Variants in SERPINB7 observed in about 807,000 individuals in gnomAD.
SERPINB7 encodes the protein serpin B7.
In SERPINB7, 31 loss-of-function variants were observed where a neutral mutation model predicts 37.4. The observed-to-expected ratio is 0.83, with a 90% confidence interval of 0.62 to 1.12. The LOEUF is 1.12. Among genes scored for constraint, SERPINB7 ranks in the 50% most tolerant of loss-of-function variants. The pLI is 0.00. For synonymous variants in SERPINB7, 163 were observed against 166.1 expected (o/e 0.98, Z 0.14); for missense variants, 521 against 455.3 (o/e 1.14, Z -1.31).
At chr18:63,763,611 T>C (rs2144587984) in intron 1 of SERPINB7, among the ~76,000 whole-genome samples, 1 of 152,298 alleles carries the variant, frequency 6.6e-6, no homozygotes, top group African/African-American at 2.4e-5. Flanking sequence ...AAATTAAATA[T>C]CTGATGTTAA....
intron 2 of SERPINB7, among the ~76,000 whole-genome samples, chr18:63,789,793 T>C (rs147364736): frequency 1.7e-3 from 254 of 152,374 alleles, no homozygotes; most frequent in Admixed American, 3.7e-3. Context: ...ACTTATGCTT[T>C]CATCATCTTT....
chr18:63,774,073 T>C (rs560622205), upstream of SERPINB7, among the ~76,000 whole-genome samples: 2 of 152,112 alleles, frequency 1.3e-5, no homozygotes, highest in African/African-American at 2.4e-5. Context: ...GAACAGGGAA[T>C]CCATTTGTAG....
intron 1 of SERPINB7, among the ~76,000 whole-genome samples, chr18:63,767,476 G>A (rs1332602534): frequency 6.6e-6 from 1 of 152,016 alleles, no homozygotes; most frequent in Non-Finnish European, 1.5e-5. Context: ...ATTCTGTCCA[G>A]GTCTTATAGT....
At chr18:63,787,195 A>G (rs998823892) in intron 2 of SERPINB7, among the ~76,000 whole-genome samples, 1 of 152,156 alleles carries the variant, frequency 6.6e-6, no homozygotes, top group Non-Finnish European at 1.5e-5. Flanking sequence ...GATGCTCAAA[A>G]ATTTCAGAAT....
rs184679504 is a variant in SERPINB7 at position 63,783,133 on chromosome 18, G to A, written c.168+593G>A. 6.0e-5 allele frequency among the ~76,000 whole-genome samples: 9 copies of A among 150,584 alleles called. No homozygotes were observed. In the East Asian group the frequency reaches 1.4e-3, roughly 23 times the overall value. On this transcript the variant is annotated intron_variant, in intron 2 of 7. Coordinates refer to ENST00000398019, the MANE Select transcript of SERPINB7 (RefSeq NM_003784.4). ...AGCCTGGGCGACAGAGCGAGACTCC[G>A]TCTCAGAAAACAAACGATCAAACAA...
intron 3 of SERPINB7, 150 bp from the exon 4 acceptor site, chr18:63,793,011 C>G (rs2049444921): frequency 7.1e-6 from 3 of 420,762 alleles, no homozygotes; most frequent in Non-Finnish European, 1.3e-5. Context: ...AAGGGTAAGA[C>G]ATAGATGTAT....
chr18:63,783,189 AG>A (rs1448379281), intron 2 of SERPINB7, among the ~76,000 whole-genome samples: 1,785 of 59,696 alleles, frequency 0.03, 83 homozygotes, highest in African/African-American at 0.088. Context: ...AGAAAGAAAG[AG>A]AGAGAGAGAG....
chr18:63,772,911 A>G (rs1336387787), upstream of SERPINB7, among the ~76,000 whole-genome samples: 1 of 152,170 alleles, frequency 6.6e-6, no homozygotes, highest in Non-Finnish European at 1.5e-5. Flanking sequence ...TTAAATGCAT[A>G]AGGACAATAT....
chr18:63,756,880 C>T (rs1249382425), intron 1 of SERPINB7, among the ~76,000 whole-genome samples: 3 of 150,004 alleles, frequency 2.0e-5, no homozygotes, highest in Non-Finnish European at 3.0e-5. Flanking sequence ...TATAAAGACT[C>T]TAATTTCTTT....
At chr18:63,794,261 C>T (rs1055370800) in intron 4 of SERPINB7, among the ~76,000 whole-genome samples, 1 of 151,932 alleles carries the variant, frequency 6.6e-6, no homozygotes, top group South Asian at 2.1e-4. Context: ...TACATCTGGC[C>T]TGAGTTTCTT....
chr18:63,802,188 A>G (rs1317968767), intron 7 of SERPINB7, among the ~76,000 whole-genome samples: 1 of 152,222 alleles, frequency 6.6e-6, no homozygotes, highest in Non-Finnish European at 1.5e-5. Flanking sequence ...TCAAGTGAAA[A>G]GCACAGTTTA....
chr18:63,796,205 A>G (rs1599018446), intron 4 of SERPINB7, 61 bp from the exon 5 acceptor site: 2 of 972,004 alleles, frequency 2.1e-6, no homozygotes, highest in East Asian at 2.4e-5. Context: ...TCAAAAATAC[A>G]TTTCTTATAT....
At chr18:63,762,019 G>A (rs2049157089) in intron 1 of SERPINB7, among the ~76,000 whole-genome samples, 1 of 152,152 alleles carries the variant, frequency 6.6e-6, no homozygotes, top group South Asian at 2.1e-4. Context: ...ACTCAGTGAC[G>A]TCTACTTCCA....
At chr18:63,795,861 T>G (rs2689397) in intron 4 of SERPINB7, among the ~76,000 whole-genome samples, 90,197 of 151,968 alleles carry the variant, frequency 0.59, 27,719 homozygotes, top group African/African-American at 0.74. Context: ...TGTCGGCAAG[T>G]TTCAAGAGCT....
At chr18:63,799,655 C>T (rs2049526057) in intron 6 of SERPINB7, among the ~76,000 whole-genome samples, 1 of 152,158 alleles carries the variant, frequency 6.6e-6, no homozygotes, top group Non-Finnish European at 1.5e-5. Context: ...CCCAGTGAGA[C>T]ATCCTGTCTA....
chr18:63,793,164 G>A lies in SERPINB7; in HGVS notation c.223G>A (p.Gly75Arg), dbSNP rs61761885. 7.2e-6 allele frequency: 11 copies of A among 1,523,964 alleles called. No homozygotes were observed. The highest frequency in any genetic ancestry group is 9.8e-6 in the Non-Finnish European group (11 of 1,117,852). The allele number at this position is 1,523,964 out of a possible 1,614,324, so 94.4% of individuals were successfully genotyped here. A position where few individuals can be genotyped will look rare whatever the true frequency, so the allele number is the denominator to read the frequency against. Residue 75 changes from glycine to arginine, a missense_variant, in exon 4 of 8, where the codon GGG becomes AGG. Transcript: ENST00000398019. ...TTATACATCTTTTTAATAACAGTCA[G>A]GGCTCCAGTCTCAACTGAAAAGAGT... Reference protein sequence around the residue: ...GYGNSSNSQSGLQSQLKRVFS... With the variant: ...GYGNSSNSQSRLQSQLKRVFS...
intron 1 of SERPINB7, among the ~76,000 whole-genome samples, chr18:63,781,086 G>T (rs908451893): frequency 6.6e-6 from 1 of 151,898 alleles, no homozygotes; most frequent in Non-Finnish European, 1.5e-5. Context: ...AATTTTAAAA[G>T]GCCTTAAGTA....
chr18:63,765,091 T>C (rs979585384), intron 1 of SERPINB7, among the ~76,000 whole-genome samples: 1 of 152,168 alleles, frequency 6.6e-6, no homozygotes, highest in African/African-American at 2.4e-5. Context: ...CCTTTGTTTT[T>C]TCCTTCATAG....
chr18:63,772,042 G>A (rs564393221), upstream of SERPINB7, among the ~76,000 whole-genome samples: 7 of 151,974 alleles, frequency 4.6e-5, no homozygotes, highest in South Asian at 2.1e-4. Context: ...CGGCAGGGAC[G>A]TTGTATAGAG....
Sources: allele counts gnomAD v4.1 joint callset (sites outside exome capture counted in the v4.1 genomes callset), GRCh38; gene constraint gnomAD v4.1.1; transcripts MANE v1.5; gene names NCBI Gene and HGNC (gene_info 2026-07-23, HGNC 2026-07-21).